The following CPQ variants were observed in gnomAD, a reference collection of about 807,000 sequenced individuals.
The protein encoded by CPQ is Ser-Met dipeptidase.
Under a neutral mutation model 45.7 loss-of-function variants are expected in CPQ, and 37 were observed. That is an observed-to-expected ratio of 0.81 (90% confidence interval 0.62 to 1.07). CPQ has a LOEUF of 1.07. Ranked by LOEUF, CPQ falls within the 50% of genes least tolerant of loss-of-function variation. CPQ has a pLI of 0.00. For synonymous variants in CPQ, 186 were observed against 205.8 expected (o/e 0.90, Z 0.82); for missense variants, 537 against 572.9 (o/e 0.94, Z 0.64).
chr8:96,854,542 A>AC (rs1811817359), intron 3 of CPQ, among the ~76,000 whole-genome samples: 1 of 109,342 alleles, frequency 9.1e-6, no homozygotes, highest in Admixed American at 1.0e-4. Context: ...AAAAAAAAAA[A>AC]AAAAAAAAAA....
intron 4 of CPQ, among the ~76,000 whole-genome samples, chr8:96,896,652 TTA>T (rs1221256143): frequency 1.3e-5 from 2 of 152,206 alleles, no homozygotes; most frequent in Non-Finnish European, 2.9e-5. Flanking sequence ...CCTCTCTTAA[TTA>T]CACACCCATA....
chr8:96,710,187 A>G (rs1413832136), intron 1 of CPQ, among the ~76,000 whole-genome samples: 1 of 151,020 alleles, frequency 6.6e-6, no homozygotes, highest in Non-Finnish European at 1.5e-5. Context: ...AGAAGTGTTC[A>G]TAGTAGTCTC....
intron 2 of CPQ, among the ~76,000 whole-genome samples, chr8:96,834,482 T>G (rs1811499782): frequency 6.6e-6 from 1 of 152,216 alleles, no homozygotes; most frequent in Non-Finnish European, 1.5e-5. Flanking sequence ...TGAACAACAT[T>G]GGCTTCTAAG....
intron 4 of CPQ, among the ~76,000 whole-genome samples, chr8:96,898,777 A>AAT (rs1812476940): frequency 6.9e-4 from 1 of 1,440 alleles, no homozygotes; most frequent in African/African-American, 9.4e-4. Flanking sequence ...AGGGTATAAT[A>AAT]AAAAAAAAAA....
intron 1 of CPQ, among the ~76,000 whole-genome samples, chr8:96,707,132 A>G (rs1809540568): frequency 6.6e-6 from 1 of 152,146 alleles, no homozygotes; most frequent in Admixed American, 6.6e-5. Context: ...GCCCTGTACA[A>G]AGTAATAGAC....
chr8:97,132,946 C>G (rs1306152346), intron 7 of CPQ: 2 of 152,076 alleles, frequency 1.3e-5, no homozygotes, highest in African/African-American at 4.8e-5. Context: ...AACACGAGTA[C>G]AATTCAAAAT....
At chr8:96,959,161 A>G (rs150141386) in intron 4 of CPQ, among the ~76,000 whole-genome samples, 55 of 152,290 alleles carry the variant, frequency 3.6e-4, no homozygotes, top group African/African-American at 1.1e-3. Flanking sequence ...GGATTATGAA[A>G]ACATGGATTT....
intron 3 of CPQ, 37 bp from the exon 4 acceptor site, chr8:96,879,761 C>G (rs1219725990): frequency 6.4e-7 from 1 of 1,551,302 alleles, no homozygotes; most frequent in Non-Finnish European, 8.9e-7. Flanking sequence ...TGGTCTATTT[C>G]CACTTTCAAG....
At chr8:96,753,667 G>GT (rs1225931191) in intron 1 of CPQ, among the ~76,000 whole-genome samples, 1 of 151,898 alleles carries the variant, frequency 6.6e-6, no homozygotes, top group Non-Finnish European at 1.5e-5. Flanking sequence ...ATTTTCTTGA[G>GT]TATTATTATT....
Position 97,143,113 on chromosome 8 carries a change from T to C in CPQ, c.1349T>C (p.Val450Ala). The change falls in exon 8 of 8, where the codon GTT (valine) becomes GCT (alanine). Residue 450 changes from valine (V) to alanine (A), a missense_variant. Coordinates refer to ENST00000220763, the MANE Select transcript of CPQ (RefSeq NM_016134.4). ...MTVMDPKQMN[V>A]AAAVWAVVSY... is the part of the protein sequence containing the mutation. ...GTCATGGATCCAAAGCAGATGAATG[T>C]TGCTGCTGCTGTTTGGGCTGTTGTT... 6.2e-7 allele frequency: 1 copy of C among 1,614,050 alleles called. No homozygotes were observed. The highest frequency in any genetic ancestry group is 8.5e-7 in the Non-Finnish European group (1 of 1,179,920).
At chr8:97,125,124 T>A (rs1811826332) in intron 7 of CPQ, among the ~76,000 whole-genome samples, 1 of 151,960 alleles carries the variant, frequency 6.6e-6, no homozygotes, top group African/African-American at 2.4e-5. Context: ...AACAAACATA[T>A]ACAAAAAATT....
chr8:96,853,909 T>C lies in CPQ; in HGVS notation c.641+18729T>C, dbSNP rs1017639377. Among the ~76,000 whole-genome samples the C allele has an allele frequency of 3.9e-5, 6 of 152,198 alleles. 1 individual carries two copies. Among genetic ancestry groups the C allele is most frequent in the Admixed American group, 3.9e-4 (6 of 15,290 alleles). Reference sequence around the variant, plus strand: ...CTGGAGGTTAAAGTTTCATTAACAATTTAAGGTGGAAATCAGAGAAGAAGG... The same window carrying C: ...CTGGAGGTTAAAGTTTCATTAACAACTTAAGGTGGAAATCAGAGAAGAAGG... On this transcript the variant is annotated intron_variant, in intron 3 of 7. Coordinates refer to ENST00000220763, the MANE Select transcript of CPQ (RefSeq NM_016134.4).
chr8:96,977,724 T>G (rs1000973568), intron 5 of CPQ, among the ~76,000 whole-genome samples: 1 of 152,178 alleles, frequency 6.6e-6, no homozygotes, highest in Non-Finnish European at 1.5e-5. Flanking sequence ...AACTCAGGAA[T>G]GGAAAATCAA....
At chr8:96,809,809 G>T (rs1586409451) in intron 2 of CPQ, among the ~76,000 whole-genome samples, 1 of 152,080 alleles carries the variant, frequency 6.6e-6, no homozygotes, top group Non-Finnish European at 1.5e-5. Context: ...AAAATGCAAT[G>T]TTGAAAGAGA....
intron 2 of CPQ, among the ~76,000 whole-genome samples, chr8:96,800,618 C>A (rs1371250274): frequency 1.3e-5 from 2 of 151,884 alleles, no homozygotes; most frequent in Non-Finnish European, 2.9e-5. Flanking sequence ...GGGACTATGA[C>A]AAAACAGTTG....
intron 1 of CPQ, among the ~76,000 whole-genome samples, chr8:96,775,405 C>T (rs1810592795): frequency 6.6e-6 from 1 of 152,086 alleles, no homozygotes. Flanking sequence ...CATGACTGCA[C>T]TAGAAGACAT....
chr8:96,704,998 T>A (rs1323395662), intron 1 of CPQ, among the ~76,000 whole-genome samples: 1 of 152,150 alleles, frequency 6.6e-6, no homozygotes, highest in Non-Finnish European at 1.5e-5. Flanking sequence ...CTGATGAAAT[T>A]GTCTAGGGGG....
At chr8:96,800,591 T>C (rs1007453282) in intron 2 of CPQ, among the ~76,000 whole-genome samples, 1 of 152,098 alleles carries the variant, frequency 6.6e-6, no homozygotes, top group African/African-American at 2.4e-5. Flanking sequence ...ACATATAAAA[T>C]ATGATGGATG....
chr8:97,040,438 G>A (rs1476944345), intron 6 of CPQ, among the ~76,000 whole-genome samples: 3 of 151,618 alleles, frequency 2.0e-5, no homozygotes, highest in African/African-American at 7.3e-5. Flanking sequence ...TAGGTTGCCT[G>A]TTCACTCTGA....
Sources: gnomAD v4.1 joint callset for allele counts (sites outside exome capture counted in the v4.1 genomes callset) on GRCh38, gnomAD v4.1.1 for gene constraint, MANE v1.5 for transcripts, NCBI Gene and HGNC (gene_info 2026-07-23, HGNC 2026-07-21) for gene names.